The following PTGS1 variants were observed in gnomAD, a reference collection of about 807,000 sequenced individuals.
PTGS1 encodes the protein prostaglandin-endoperoxide synthase 1, also known as prostaglandin G/H synthase 1.
In PTGS1, 40 loss-of-function variants were observed where a neutral mutation model predicts 63.0. That is an observed-to-expected ratio of 0.63 (90% confidence interval 0.49 to 0.83). The LOEUF is 0.83. Among genes scored for constraint, PTGS1 ranks in the 40% least tolerant of loss-of-function variants. PTGS1 has a pLI of 0.00. For missense variants in PTGS1, 709 were observed against 786.5 expected, an observed-to-expected ratio of 0.90 and a Z score of 1.18; for synonymous variants, 298 against 301.9, an observed-to-expected ratio of 0.99 and a Z score of 0.13.
At chr9:122,375,439 C>G (rs892983363) in intron 2 of PTGS1, 2 of 985,424 alleles carry the variant, frequency 2.0e-6, no homozygotes, top group Admixed American at 6.1e-5. Flanking sequence ...TTTGGTCAGG[C>G]TGGAGGTGAC....
At chr9:122,377,483 G>A (rs1053116732) in intron 2 of PTGS1, among the ~76,000 whole-genome samples, 15 of 135,920 alleles carry the variant, frequency 1.1e-4, no homozygotes, top group African/African-American at 3.9e-4. Flanking sequence ...CCCACCCCCC[G>A]CCCCGGCCTG....
Position 122,392,551 on chromosome 9 carries a change from G to C in PTGS1, c.*7G>C. The C allele has an allele frequency of 6.2e-7, 1 of 1,607,352 alleles. No homozygotes were observed. Among genetic ancestry groups the C allele is most frequent in the Non-Finnish European group, 8.5e-7 (1 of 1,174,948 alleles). On this transcript the variant is annotated 3_prime_UTR_variant, in exon 11 of 11. Coordinates refer to ENST00000362012, the MANE Select transcript of PTGS1 (RefSeq NM_000962.4). ...ACCATCCACAGAGCTCTGAGGGGCA[G>C]GAAAGCAGCATTCTGGAGGGGAGAG...
At chr9:122,380,464 C>CAAAAAAAA (rs1212366547) in intron 5 of PTGS1, among the ~76,000 whole-genome samples, 1 of 135,928 alleles carries the variant, frequency 7.4e-6, no homozygotes, top group African/African-American at 2.9e-5. Context: ...GACCCTGTCT[C>CAAAAAAAA]AAAAATAAAT....
At chr9:122,389,720 T>C (rs10306171) in intron 9 of PTGS1, among the ~76,000 whole-genome samples, 11,878 of 152,072 alleles carry the variant, frequency 0.078, 1,440 homozygotes, top group African/African-American at 0.26. Flanking sequence ...TTTGGGAGGC[T>C]GTGGTGGGAG....
At chr9:122,376,332 TGTG>T (rs1837152564) in intron 2 of PTGS1, among the ~76,000 whole-genome samples, 1 of 150,970 alleles carries the variant, frequency 6.6e-6, no homozygotes, top group Middle Eastern at 3.4e-3. Context: ...GCATGATTCT[TGTG>T]GTCCTTGCTT....
chr9:122,388,842 C>T (rs765090972), intron 9 of PTGS1, among the ~76,000 whole-genome samples: 36 of 152,306 alleles, frequency 2.4e-4, no homozygotes, highest in Middle Eastern at 3.4e-3. Flanking sequence ...CACCCTAATC[C>T]AGTAGGATCT....
chr9:122,375,301 C>T (rs371339738), intron 2 of PTGS1: 270 of 985,470 alleles, frequency 2.7e-4, no homozygotes, highest in East Asian at 2.2e-3. Context: ...TGTGGGCAGC[C>T]GTTCCAGCTT....
In PTGS1 at chr9:122,371,253, C is replaced by T. The variant is rs771903427; in HGVS notation, c.75C>T (p.Asp25=). ...LLPPLPVLLA[D]PGAPTPVNPC... The stretch of plus-strand genomic sequence containing the variant: ...CGCCGCTCCCCGTCCTGCTCGCGGA[C>T]CCAGGGGCGCCCACGCCAGGTAGGC... The change falls in exon 2 of 11, where the codon GAC becomes GAT. Residue 25 remains aspartate (D), a synonymous_variant. Coordinates refer to ENST00000362012, the MANE Select transcript of PTGS1 (RefSeq NM_000962.4). 6.2e-7 allele frequency: 1 copy of T among 1,605,992 alleles called. No homozygotes were observed. Among genetic ancestry groups the T allele is most frequent in the South Asian group, 1.1e-5 (1 of 91,080 alleles).
In PTGS1 at chr9:122,395,573, C is replaced by T. The variant is rs202173511; in HGVS notation, c.*3029C>T. The T allele has an allele frequency of 3.9e-5, 6 of 152,154 alleles. No individual in the cohort carries two copies. The highest frequency in any genetic ancestry group is 1.4e-4 in the African/African-American group (6 of 41,436). 9.4% of individuals were successfully genotyped at this position (152,154 alleles called of 1,614,324 possible). A position where few individuals can be genotyped will look rare whatever the true frequency, so the allele number is the denominator to read the frequency against. On this transcript the variant is annotated 3_prime_UTR_variant, in exon 11 of 11. Transcript: ENST00000362012. ...CTGCAGTTTCCTGGAAAAGAAGAAA[C>T]TTTGCCTCAAGACTATAGCCATCGA...
chr9:122,391,358 C>CATATATATATACAT lies in PTGS1; in HGVS notation c.1445-820_1445-819insCATATATATATATA, dbSNP rs1838232905. ...TGTGTATATATATACTATATATATA[C>CATATATATATACAT]ATATATATATATACATATATATATA... is the stretch of plus-strand genomic sequence containing the variant. On this transcript the variant is annotated intron_variant, in intron 10 of 10. Coordinates refer to ENST00000362012, the MANE Select transcript of PTGS1 (RefSeq NM_000962.4). Among the ~76,000 whole-genome samples, 3 of 104,308 alleles carry CATATATATATACAT rather than the reference C, an allele frequency of 2.9e-5. 1 individual carries two copies. The highest frequency in any genetic ancestry group is 1.2e-4 in the African/African-American group (3 of 24,548). 68.4% of individuals were successfully genotyped at this position (104,308 alleles called of 152,430 possible).
chr9:122,373,730 T>C (rs1836942704), intron 2 of PTGS1, among the ~76,000 whole-genome samples: 1 of 152,170 alleles, frequency 6.6e-6, no homozygotes, highest in Admixed American at 6.5e-5. Flanking sequence ...GTTGGGTCTG[T>C]GGGCCGGGAG....
In PTGS1 at chr9:122,378,503, C is replaced by T. The variant is rs201416961; in HGVS notation, c.282C>T (p.His94=). The T allele has an allele frequency of 2.5e-5, 41 of 1,614,250 alleles. 1 individual carries two copies. The highest frequency in any genetic ancestry group is 1.9e-4 in the South Asian group (17 of 91,090). The change falls in exon 4 of 11, where the codon CAC becomes CAT. Residue 94 remains histidine (H), a synonymous_variant. Transcript: ENST00000362012. Reference sequence around the variant, plus strand: ...CTTTCACCCACTTCCTGCTCACTCACGGGCGCTGGTTCTGGGAGTTTGTCA... The same window carrying T: ...CTTTCACCCACTTCCTGCTCACTCATGGGCGCTGGTTCTGGGAGTTTGTCA... ...SPSFTHFLLT[H]GRWFWEFVNA...
chr9:122,379,856 TAATTTCCATTG>T (rs1837406952), intron 5 of PTGS1, among the ~76,000 whole-genome samples: 1 of 152,204 alleles, frequency 6.6e-6, no homozygotes, highest in Non-Finnish European at 1.5e-5. Context: ...TTAATCCAAG[TAATTTCCATTG>T]ATCTTGAACC....
At chr9:122,371,317 C>G (rs780022234) in intron 2 of PTGS1, 45 bp downstream of exon 2, 2 of 1,598,984 alleles carry the variant, frequency 1.3e-6, no homozygotes, top group Non-Finnish European at 1.7e-6. Flanking sequence ...GGTCTTGCGC[C>G]CCTGGCCTGG....
Position 122,392,256 on chromosome 9 carries a change from T to C in PTGS1, c.1512T>C (p.Pro504=), listed in dbSNP as rs3842803. The C allele has an allele frequency of 0.017, 28,052 of 1,613,186 alleles. 2,789 individuals carry two copies. The African/African-American group carries it at 0.27, about 15-fold the overall frequency. Residue 504 remains proline, a synonymous_variant, in exon 11 of 11, where the codon CCT becomes CCC. Transcript: ENST00000362012. The part of the protein sequence containing the change: ...YGDIDALEFY[P]GLLLEKCHPN... ...ACATTGATGCGTTGGAGTTCTACCC[T>C]GGACTGCTTCTTGAAAAGTGCCATC...
intron 2 of PTGS1, chr9:122,371,599 G>A (rs1836812726): frequency 4.9e-6 from 7 of 1,429,794 alleles, no homozygotes; most frequent in Middle Eastern, 2.6e-4. Context: ...CAACAACCCC[G>A]CTGTTTCCTA....
chr9:122,381,769 G>C, intron 7 of PTGS1, 22 bp downstream of exon 7: 1 of 1,604,724 alleles, frequency 6.2e-7, no homozygotes, highest in Middle Eastern at 1.7e-4. Flanking sequence ...CCAGGGGGTA[G>C]GGCAGAGGGA....
At chr9:122,372,275 G>A (rs1836852435) in intron 2 of PTGS1, among the ~76,000 whole-genome samples, 1 of 152,138 alleles carries the variant, frequency 6.6e-6, no homozygotes, top group Non-Finnish European at 1.5e-5. Context: ...ATATGTACAT[G>A]GATTTTGGAT....
Position 122,378,938 on chromosome 9 carries a change from T to C in PTGS1, c.496+20T>C. The C allele has an allele frequency of 1.2e-6, 2 of 1,613,832 alleles. No individual in the cohort carries two copies. Among genetic ancestry groups the C allele is most frequent in the South Asian group, 1.1e-5 (1 of 91,040 alleles). ...CCAAAGGTAAAATGGGGTGAGGAGC[T>C]GGGCCTGGGGATTACAGGAGGTGCT... On this transcript the variant is annotated intron_variant, in intron 5 of 10. Coordinates refer to ENST00000362012, the MANE Select transcript of PTGS1 (RefSeq NM_000962.4).
Sources: allele counts gnomAD v4.1 joint callset (sites outside exome capture counted in the v4.1 genomes callset), GRCh38; gene constraint gnomAD v4.1.1; transcripts MANE v1.5; gene names NCBI Gene and HGNC (gene_info 2026-07-23, HGNC 2026-07-21).